NCK1: variants seen among roughly 807,000 people sequenced by gnomAD.
NCK1 encodes NCK adaptor protein 1, also known as SH2/SH3 adapter protein NCK1.
NCK1 carries 19 observed loss-of-function variants against 36.6 expected under a neutral mutation model. That is an observed-to-expected ratio of 0.52 (90% CI 0.36 to 0.76). NCK1 has a LOEUF of 0.76. Among genes scored for constraint, NCK1 ranks in the 30% least tolerant of loss-of-function variants. The pLI, the probability that NCK1 is intolerant of heterozygous loss-of-function variation, is 0.00. For synonymous variants in NCK1, 165 were observed against 156.0 expected (o/e 1.06, Z -0.43); for missense variants, 358 against 445.6 (o/e 0.80, Z 1.77).
chr3:136,916,132 G>A (rs769029767), intron 1 of NCK1, among the ~76,000 whole-genome samples: 14 of 151,998 alleles, frequency 9.2e-5, no homozygotes, highest in African/African-American at 3.4e-4. Context: ...CAGTCACCTC[G>A]CAGTCACCTC....
At chr3:136,924,287 C>T (rs1244001112) in intron 1 of NCK1, among the ~76,000 whole-genome samples, 1 of 152,120 alleles carries the variant, frequency 6.6e-6, no homozygotes, top group Non-Finnish European at 1.5e-5. Context: ...AGTAAAGCCT[C>T]TAGAAATAAT....
At chr3:136,928,704 T>A (rs1940311998) in intron 2 of NCK1, 1 of 153,622 alleles carries the variant, frequency 6.5e-6, no homozygotes, top group Non-Finnish European at 1.4e-5. Context: ...AGCTCTTTTC[T>A]ATTTTGTTTC....
At chr3:136,910,031 A>G (rs756374791) in intron 1 of NCK1, among the ~76,000 whole-genome samples, 1 of 152,094 alleles carries the variant, frequency 6.6e-6, no homozygotes, top group Non-Finnish European at 1.5e-5. Context: ...CATCTTGCCA[A>G]TCTCTGTCTT....
chr3:136,926,142 T>G (rs1334258019), intron 1 of NCK1, among the ~76,000 whole-genome samples: 1 of 152,146 alleles, frequency 6.6e-6, no homozygotes, highest in Non-Finnish European at 1.5e-5. Flanking sequence ...CCTCTTCATG[T>G]TTTTTTGCTC....
intron 2 of NCK1, among the ~76,000 whole-genome samples, chr3:136,931,001 TTTGC>T (rs1466958492): frequency 6.6e-5 from 10 of 152,238 alleles, no homozygotes; most frequent in South Asian, 2.1e-4. Context: ...TTAACTACTT[TTTGC>T]TTACTTTTTT....
intron 1 of NCK1, among the ~76,000 whole-genome samples, chr3:136,902,475 G>A (rs139703541): frequency 5.9e-5 from 9 of 152,254 alleles, no homozygotes; most frequent in Middle Eastern, 3.4e-3. Flanking sequence ...GATTACAGGC[G>A]CGAGCTATCC....
chr3:136,900,247 C>T (rs1000193801), intron 1 of NCK1, among the ~76,000 whole-genome samples: 5 of 152,178 alleles, frequency 3.3e-5, no homozygotes, highest in African/African-American at 9.6e-5. Context: ...AATCAGTTGG[C>T]TTTAAATATG....
chr3:136,872,256 T>C lies in NCK1; in HGVS notation c.-19+9903T>C, dbSNP rs146045236. On this transcript the variant is annotated intron_variant, in intron 1 of 3. Transcript: ENST00000481752. Reference sequence around the variant, plus strand: ...AGGCTGAGGTGGTTTCAGATGGAGATGGGGAACTTGTTGGGAACTGGAGCA... The same window carrying C: ...AGGCTGAGGTGGTTTCAGATGGAGACGGGGAACTTGTTGGGAACTGGAGCA... Among the ~76,000 whole-genome samples, 4 of 152,308 alleles carry C rather than the reference T, an allele frequency of 2.6e-5. No homozygotes were observed. The East Asian group carries it at 7.7e-4, about 29-fold the overall frequency.
chr3:136,920,529 C>A (rs1553796640), intron 1 of NCK1, among the ~76,000 whole-genome samples: 1 of 152,080 alleles, frequency 6.6e-6, no homozygotes, highest in Non-Finnish European at 1.5e-5. Flanking sequence ...CTTTGACAAA[C>A]TTATAAATAT....
intron 2 of NCK1, among the ~76,000 whole-genome samples, chr3:136,942,331 G>T (rs1479986422): frequency 6.6e-6 from 1 of 152,170 alleles, no homozygotes; most frequent in African/African-American, 2.4e-5. Flanking sequence ...GCTGCTTATT[G>T]TGAGTGGTTG....
At chr3:136,943,894 G>A (rs916319221) in intron 2 of NCK1, among the ~76,000 whole-genome samples, 1 of 152,152 alleles carries the variant, frequency 6.6e-6, no homozygotes, top group African/African-American at 2.4e-5. Context: ...ACATAATGGA[G>A]AGAGTGGGCT....
At chr3:136,893,198 A>ACACACACACACACACACACCATATTTTC (rs1347213828) in intron 1 of NCK1, among the ~76,000 whole-genome samples, 90 of 132,058 alleles carry the variant, frequency 6.8e-4, no homozygotes, top group Non-Finnish European at 1.1e-3. Context: ...ATATACACAC[A>ACACACACACACACACACACCATATTTTC]TGTGCAAGTA....
At chr3:136,877,950 A>G (rs1938820110) in intron 1 of NCK1, among the ~76,000 whole-genome samples, 1 of 152,196 alleles carries the variant, frequency 6.6e-6, no homozygotes, top group Admixed American at 6.5e-5. Flanking sequence ...GGTTACATGT[A>G]ATGTATATCC....
chr3:136,867,737 G>C (rs1283945191), intron 1 of NCK1, among the ~76,000 whole-genome samples: 2 of 151,996 alleles, frequency 1.3e-5, no homozygotes, highest in African/African-American at 2.4e-5. Flanking sequence ...TTAGTGATGG[G>C]GGCAGAACAA....
intron 2 of NCK1, among the ~76,000 whole-genome samples, chr3:136,934,330 G>A (rs1368481525): frequency 6.6e-6 from 1 of 151,968 alleles, no homozygotes. Context: ...CTGTTGCCCA[G>A]GTTGGAGTGC....
intron 1 of NCK1, among the ~76,000 whole-genome samples, chr3:136,904,309 T>A (rs1180628666): frequency 6.6e-6 from 1 of 152,138 alleles, no homozygotes; most frequent in Non-Finnish European, 1.5e-5. Flanking sequence ...TGTATCACCG[T>A]GCCCAGCTAA....
chr3:136,883,330 T>C (rs1262045741), intron 1 of NCK1, among the ~76,000 whole-genome samples: 5 of 152,200 alleles, frequency 3.3e-5, no homozygotes, highest in Non-Finnish European at 7.3e-5. Context: ...GGTCATTTTC[T>C]GTAACGTGAG....
At chr3:136,934,731 AACTTG>A (rs974526565) in intron 2 of NCK1, among the ~76,000 whole-genome samples, 3 of 152,220 alleles carry the variant, frequency 2.0e-5, no homozygotes, top group Non-Finnish European at 2.9e-5. Context: ...AAGATTAAAT[AACTTG>A]ACCAAGATCA....
chr3:136,880,202 G>T (rs540714397), intron 1 of NCK1, among the ~76,000 whole-genome samples: 5 of 151,728 alleles, frequency 3.3e-5, no homozygotes, highest in African/African-American at 1.2e-4. Flanking sequence ...GGAGAATGGC[G>T]TGAACCCGGG....
Sources: allele counts gnomAD v4.1 joint callset (sites outside exome capture counted in the v4.1 genomes callset), GRCh38; gene constraint gnomAD v4.1.1; transcripts MANE v1.5; gene names NCBI Gene and HGNC (gene_info 2026-07-23, HGNC 2026-07-21).